Variants in USO1 observed in about 807,000 individuals in gnomAD.
USO1 encodes USO1 vesicle transport factor, also known as general vesicular transport factor p115.
In USO1, 57 loss-of-function variants were observed where a neutral mutation model predicts 124.5. The observed-to-expected ratio is 0.46, with a 90% CI of 0.37 to 0.57. The LOEUF is 0.57. Ranked by LOEUF, USO1 falls within the 20% of genes least tolerant of loss-of-function variation. USO1 has a pLI of 0.00. For synonymous variants in USO1, 369 were observed against 362.8 expected (o/e 1.02, Z -0.19); for missense variants, 900 against 1,040.6 (o/e 0.86, Z 1.86).
At chr4:75,755,594 T>G (rs1721418320) in intron 3 of USO1, 1 of 471,502 alleles carries the variant, frequency 2.1e-6, no homozygotes, top group Admixed American at 2.4e-5. Flanking sequence ...TTAGGACCTT[T>G]TTTCTTCTCC....
intron 1 of USO1, among the ~76,000 whole-genome samples, chr4:75,738,592 G>A (rs554249337): frequency 1.3e-5 from 2 of 152,060 alleles, no homozygotes; most frequent in African/African-American, 4.8e-5. Flanking sequence ...ATCCTCCCAC[G>A]TCAGCCTCCT....
rs775147139 is a variant in USO1 at position 75,770,423 on chromosome 4, T to C, written c.296-16T>C. ...CCTACTATTAAATTGAAATTCTTTA[T>C]TTTTGAATATTACAGAAGAAAATTC... On this transcript the variant is annotated splice_polypyrimidine_tract_variant and intron_variant, in intron 4 of 23. Transcript: ENST00000514213. 3.0e-5 allele frequency: 45 copies of C among 1,513,652 alleles called. No individual in the cohort carries two copies. The highest frequency in any genetic ancestry group is 1.7e-4 in the Middle Eastern group (1 of 5,784). The allele number at this position is 1,513,652 out of a possible 1,614,324, so 93.8% of individuals were successfully genotyped here. A position where few individuals can be genotyped will look rare whatever the true frequency, so the allele number is the denominator to read the frequency against.
At chr4:75,807,684 G>A (rs965075196) in intron 20 of USO1, among the ~76,000 whole-genome samples, 1 of 152,050 alleles carries the variant, frequency 6.6e-6, no homozygotes, top group African/African-American at 2.4e-5. Context: ...GTTTTATTAA[G>A]TGTACCTATA....
chr4:75,801,937 A>G (rs1430242168), intron 17 of USO1, among the ~76,000 whole-genome samples: 1 of 152,186 alleles, frequency 6.6e-6, no homozygotes, highest in African/African-American at 2.4e-5. Flanking sequence ...CTCTTGCCTC[A>G]GCCTCGCAAG....
chr4:75,729,085 G>A (rs921396778), intron 1 of USO1, among the ~76,000 whole-genome samples: 1 of 152,006 alleles, frequency 6.6e-6, no homozygotes, highest in East Asian at 2.0e-4. Context: ...TGTGAGCCAC[G>A]GCACCTGGCC....
At chr4:75,755,581 C>T (rs1721417111) in intron 3 of USO1, 1 of 480,852 alleles carries the variant, frequency 2.1e-6, no homozygotes, top group Non-Finnish European at 4.1e-6. Flanking sequence ...TTGTCCATAA[C>T]AGTTAGGACC....
At chr4:75,738,681 A>G (rs533644713) in intron 1 of USO1, among the ~76,000 whole-genome samples, 1 of 152,092 alleles carries the variant, frequency 6.6e-6, no homozygotes, top group South Asian at 2.1e-4. Context: ...GGGTTTCGCC[A>G]TGTTGCCCAG....
chr4:75,756,858 A>G (rs1339366159), intron 3 of USO1, among the ~76,000 whole-genome samples: 2 of 151,654 alleles, frequency 1.3e-5, no homozygotes, highest in Non-Finnish European at 2.9e-5. Context: ...GAAGAAAAAC[A>G]CTCTAGTAGT....
At chr4:75,769,165 CTT>C (rs1167533238) in intron 4 of USO1, among the ~76,000 whole-genome samples, 1 of 152,204 alleles carries the variant, frequency 6.6e-6, no homozygotes, top group Admixed American at 6.5e-5. Context: ...TCATGTGACT[CTT>C]TTCTTGATTA....
intron 8 of USO1, among the ~76,000 whole-genome samples, chr4:75,775,090 T>G (rs1722037139): frequency 2.0e-5 from 3 of 152,228 alleles, no homozygotes; most frequent in Non-Finnish European, 4.4e-5. Context: ...GCATGTCCTT[T>G]TGCAGATTTG....
intron 12 of USO1, among the ~76,000 whole-genome samples, chr4:75,792,846 C>T (rs1470190881): frequency 6.6e-6 from 1 of 152,176 alleles, no homozygotes; most frequent in Non-Finnish European, 1.5e-5. Flanking sequence ...CCCTGCCCTG[C>T]CTCTGATAAC....
chr4:75,812,870 G>C (rs187424033), intron 23 of USO1, among the ~76,000 whole-genome samples: 2 of 152,096 alleles, frequency 1.3e-5, no homozygotes, highest in African/African-American at 4.8e-5. Context: ...TAGCACTTTG[G>C]GGGGCTGAGG....
intron 13 of USO1, among the ~76,000 whole-genome samples, chr4:75,798,821 A>AGTTTT (rs3059599): frequency 0.11 from 16,243 of 152,032 alleles, 930 homozygotes; most frequent in Middle Eastern, 0.17. Context: ...ATTTCAAACA[A>AGTTTT]GTTTTGTTTT....
chr4:75,763,209 T>TA (rs1312006625), intron 4 of USO1, among the ~76,000 whole-genome samples: 2 of 152,222 alleles, frequency 1.3e-5, no homozygotes, highest in Non-Finnish European at 2.9e-5. Context: ...CGTACTTAAA[T>TA]GCCAGCCATA....
At chr4:75,810,343 A>C in intron 21 of USO1, 89 bp from the exon 22 acceptor site, 1 of 1,401,900 alleles carries the variant, frequency 7.1e-7, no homozygotes. Flanking sequence ...GTAAAATATC[A>C]AAATGGCAAA....
chr4:75,810,146 T>A (rs914209210), intron 21 of USO1, among the ~76,000 whole-genome samples: 3 of 152,238 alleles, frequency 2.0e-5, no homozygotes, highest in Non-Finnish European at 4.4e-5. Flanking sequence ...AATGCTGGGT[T>A]ACAGTTACAT....
intron 20 of USO1, among the ~76,000 whole-genome samples, chr4:75,807,127 A>G (rs1723020138): frequency 6.6e-6 from 1 of 152,136 alleles, no homozygotes; most frequent in Non-Finnish European, 1.5e-5. Context: ...AATTCCTGTT[A>G]AACTAGATCA....
rs1033850616 is a variant in USO1 at position 75,753,347 on chromosome 4, A to T, written c.218+743A>T. Among the ~76,000 whole-genome samples the T allele has an allele frequency of 8.0e-3, 1,200 of 150,882 alleles. 17 individuals are homozygous for T. Among genetic ancestry groups the T allele is most frequent in the African/African-American group, 0.028 (1,128 of 40,494 alleles). ...TCAGGAGTTCGAGACCAGCCTGGTC[A>T]AATGGTGAAACCCGGTCTCTACTAA... is the stretch of plus-strand genomic sequence containing the variant. On this transcript the variant is annotated intron_variant, in intron 3 of 23. Transcript: ENST00000514213.
At chr4:75,797,725 T>G (rs1237825153) in intron 13 of USO1, among the ~76,000 whole-genome samples, 1 of 152,028 alleles carries the variant, frequency 6.6e-6, no homozygotes, top group Non-Finnish European at 1.5e-5. Flanking sequence ...CACTGCAACC[T>G]CTACCTCCCA....
Sources: allele counts gnomAD v4.1 joint callset (sites outside exome capture counted in the v4.1 genomes callset), GRCh38; gene constraint gnomAD v4.1.1; transcripts MANE v1.5; gene names NCBI Gene and HGNC (gene_info 2026-07-23, HGNC 2026-07-21).